STX12: variants seen among roughly 807,000 people sequenced by gnomAD.
STX12 encodes syntaxin-12.
Under a neutral mutation model 42.2 loss-of-function variants are expected in STX12, and 17 were observed. The ratio of observed to expected loss-of-function variants is 0.40; its 90% CI spans 0.28 to 0.60. STX12 has a LOEUF of 0.60. Among genes scored for constraint, STX12 ranks in the 20% least tolerant of loss-of-function variants. The probability of loss-of-function intolerance (pLI) is 0.39; values close to 1 mark genes in which losing one functional copy is unlikely to be tolerated. For missense variants in STX12, 297 were observed against 330.9 expected, an observed-to-expected ratio of 0.90 and a Z score of 0.79; for synonymous variants, 108 against 116.7, an observed-to-expected ratio of 0.93 and a Z score of 0.48.
chr1:27,791,179 T>A (rs1395100323), intron 2 of STX12, among the ~76,000 whole-genome samples: 1 of 152,106 alleles, frequency 6.6e-6, no homozygotes, highest in Non-Finnish European at 1.5e-5. Context: ...GAGAATCACT[T>A]GAACCTGGGA....
chr1:27,798,690 T>G (rs1389778128), intron 3 of STX12, among the ~76,000 whole-genome samples: 2 of 119,402 alleles, frequency 1.7e-5, no homozygotes, highest in Non-Finnish European at 1.7e-5. Context: ...GCAGCCTGGG[T>G]GACAGAGCGA....
chr1:27,791,094 C>T (rs577795043), intron 2 of STX12, among the ~76,000 whole-genome samples: 6 of 152,212 alleles, frequency 3.9e-5, no homozygotes, highest in African/African-American at 1.4e-4. Context: ...AACTCCATCT[C>T]TACTAAAAAT....
chr1:27,775,516 C>T (rs958497476), intron 1 of STX12, among the ~76,000 whole-genome samples: 1 of 152,190 alleles, frequency 6.6e-6, no homozygotes, highest in Non-Finnish European at 1.5e-5. Flanking sequence ...AAGTGATCCA[C>T]CCACCTTGGC....
intron 3 of STX12, among the ~76,000 whole-genome samples, chr1:27,800,491 GTGT>G (rs1330981558): frequency 2.5e-4 from 2 of 8,126 alleles, no homozygotes; most frequent in Non-Finnish European, 3.6e-4. Context: ...AGTATGTGGT[GTGT>G]GTGTGTGTGT....
chr1:27,797,416 T>A (rs556130254), intron 3 of STX12, among the ~76,000 whole-genome samples: 1 of 152,272 alleles, frequency 6.6e-6, no homozygotes, highest in East Asian at 1.9e-4. Flanking sequence ...CCTGAAACTT[T>A]CTTCTTGCCA....
At chr1:27,815,420 C>T (rs532412653) in intron 6 of STX12, among the ~76,000 whole-genome samples, 8 of 152,276 alleles carry the variant, frequency 5.3e-5, no homozygotes, top group Non-Finnish European at 1.0e-4. Context: ...AGGTTATTTG[C>T]TCTTTAACTG....
At chr1:27,786,460 T>C (rs184890555) in intron 1 of STX12, among the ~76,000 whole-genome samples, 2 of 152,300 alleles carry the variant, frequency 1.3e-5, no homozygotes, top group African/African-American at 4.8e-5. Flanking sequence ...TTATTTCTTT[T>C]TATACTCTGA....
intron 2 of STX12, among the ~76,000 whole-genome samples, chr1:27,792,742 G>GGACA (rs896460681): frequency 1.3e-5 from 2 of 151,980 alleles, no homozygotes; most frequent in African/African-American, 4.8e-5. Context: ...AATTTTGCAG[G>GGACA]GACACTAACA....
intron 2 of STX12, among the ~76,000 whole-genome samples, chr1:27,790,377 G>A (rs995922799): frequency 6.6e-5 from 10 of 152,186 alleles, no homozygotes; most frequent in South Asian, 2.1e-4. Flanking sequence ...GCTGGCTGGC[G>A]TGGCCAGCTT....
intron 5 of STX12, among the ~76,000 whole-genome samples, chr1:27,810,684 C>T (rs1249432953): frequency 1.3e-5 from 2 of 152,174 alleles, no homozygotes; most frequent in Non-Finnish European, 2.9e-5. Context: ...ACTCATCCTT[C>T]TAGGAGTATT....
intron 3 of STX12, among the ~76,000 whole-genome samples, chr1:27,801,205 C>G (rs2088825352): frequency 6.6e-6 from 1 of 152,074 alleles, no homozygotes; most frequent in Non-Finnish European, 1.5e-5. Context: ...TCTACAATAG[C>G]CCGGCCAACA....
intron 1 of STX12, among the ~76,000 whole-genome samples, chr1:27,787,629 A>G (rs2088708494): frequency 6.6e-6 from 1 of 151,926 alleles, no homozygotes; most frequent in Admixed American, 6.6e-5. Context: ...ACTGCACTCC[A>G]GCCTGGCCGA....
At chr1:27,792,289 TACATATATATGTATCTATATATATGTAG>T (rs1345369438) in intron 2 of STX12, among the ~76,000 whole-genome samples, 4 of 139,216 alleles carry the variant, frequency 2.9e-5, no homozygotes, top group Admixed American at 1.5e-4. Flanking sequence ...TATATGTAGA[TACATATATATGTATCTATATATATGTAG>T]ATACATATAT....
rs571210293 is a variant in STX12 at position 27,773,563 on chromosome 1, G to C, written c.118+138G>C. ...GTCTCGGGCTGTCCACCCTGGGGGC[G>C]GTGGGCTGCCATCCCCCAATCTGTC... On this transcript the variant is annotated intron_variant, in intron 1 of 8. Coordinates refer to ENST00000373943, the MANE Select transcript of STX12 (RefSeq NM_177424.3). The C allele has an allele frequency of 9.6e-6, 7 of 727,986 alleles. No homozygotes were observed. In the African/African-American group the frequency reaches 1.3e-4, roughly 13 times the overall value. 45.1% of individuals were successfully genotyped at this position (727,986 alleles called of 1,614,324 possible).
intron 2 of STX12, among the ~76,000 whole-genome samples, chr1:27,792,142 AT>A (rs1207971110): frequency 3.7e-5 from 4 of 108,750 alleles, no homozygotes; most frequent in African/African-American, 7.8e-5. Flanking sequence ...ATATGTATAT[AT>A]CTATATATGT....
intron 1 of STX12, among the ~76,000 whole-genome samples, chr1:27,781,311 T>C (rs1269727512): frequency 6.6e-6 from 1 of 152,144 alleles, no homozygotes; most frequent in Non-Finnish European, 1.5e-5. Context: ...CCCAAAGTGC[T>C]GGGATTATAG....
In STX12 at chr1:27,822,661, T is replaced by C. The variant is rs1047667793; in HGVS notation, c.*332T>C. 3.5e-5 allele frequency: 7 copies of C among 201,302 alleles called. No individual in the cohort carries two copies. Among genetic ancestry groups the C allele is most frequent in the African/African-American group, 1.4e-4 (6 of 43,494 alleles). 12.5% of individuals were successfully genotyped at this position (201,302 alleles called of 1,614,324 possible). On this transcript the variant is annotated 3_prime_UTR_variant, in exon 9 of 9. Transcript: ENST00000373943. ...AAATGACACTACAGTCTCGTAATAT[T>C]GTCTTTTATGTATATACAAAATTTA...
At position 27,801,724 on chromosome 1, in the gene STX12, C is replaced by T. The variant is rs1172389096; in HGVS notation, c.335C>T (p.Ala112Val). Reference protein sequence around the residue: ...QKERLMNDFSAALNNFQAVQR... With the variant: ...QKERLMNDFSVALNNFQAVQR... Reference sequence around the variant, plus strand: ...GAACGCCTCATGAATGACTTCTCTGCAGCCTTAAACAATTTCCAGGCTGTG... The same window carrying T: ...GAACGCCTCATGAATGACTTCTCTGTAGCCTTAAACAATTTCCAGGCTGTG... The change falls in exon 4 of 9, where the codon GCA (alanine) becomes GTA (valine). Residue 112 changes from alanine (A) to valine (V), a missense_variant. Coordinates refer to ENST00000373943, the MANE Select transcript of STX12 (RefSeq NM_177424.3). 17 of 1,586,274 alleles carry T rather than the reference C, an allele frequency of 1.1e-5. No individual in the cohort carries two copies. The highest frequency in any genetic ancestry group is 1.0e-5 in the Non-Finnish European group (12 of 1,170,542).
chr1:27,782,465 G>A (rs528453338), intron 1 of STX12, among the ~76,000 whole-genome samples: 25 of 152,188 alleles, frequency 1.6e-4, no homozygotes, highest in African/African-American at 5.5e-4. Flanking sequence ...TATGGTTAAA[G>A]GAAAATTATA....
Sources: gnomAD v4.1 joint callset for allele counts (sites outside exome capture counted in the v4.1 genomes callset) on GRCh38, gnomAD v4.1.1 for gene constraint, MANE v1.5 for transcripts, NCBI Gene and HGNC (gene_info 2026-07-23, HGNC 2026-07-21) for gene names.